DTD1: variants seen among roughly 807,000 people sequenced by gnomAD.
The protein encoded by DTD1 is D-aminoacyl-tRNA deacylase 1, also known as D-tyrosyl-tRNA deacylase 1 homolog.
DTD1 carries 13 observed loss-of-function variants against 25.6 expected under a neutral mutation model. The ratio of observed to expected loss-of-function variants is 0.51; its 90% CI spans 0.33 to 0.81. DTD1 has a LOEUF of 0.81. Ranked by LOEUF, DTD1 falls within the 30% of genes least tolerant of loss-of-function variation. The pLI, the probability that DTD1 is intolerant of heterozygous loss-of-function variation, is 0.02. For missense variants in DTD1, 193 were observed against 266.4 expected (o/e 0.72, Z 1.92); for synonymous variants, 110 against 103.6 (o/e 1.06, Z -0.37).
chr20:18,663,182 C>G lies in DTD1; in HGVS notation c.477+34949C>G, dbSNP rs144698420. 3.4e-3 allele frequency among the ~76,000 whole-genome samples: 513 copies of G among 152,212 alleles called. 3 individuals are homozygous for G. The highest frequency in any genetic ancestry group is 0.012 in the African/African-American group (497 of 41,504). On this transcript the variant is annotated intron_variant, in intron 4 of 5. Coordinates refer to ENST00000377452, the MANE Select transcript of DTD1 (RefSeq NM_080820.6). ...TCATGGGATGCCCTAATAGGGCTGG[C>G]AACCTTGTTTTCATGATCTAGTTTG...
chr20:18,640,948 T>G (rs1262881705), intron 4 of DTD1, among the ~76,000 whole-genome samples: 2 of 152,142 alleles, frequency 1.3e-5, no homozygotes, highest in Non-Finnish European at 2.9e-5. Context: ...AGAATTCTTT[T>G]TATCTTACAA....
chr20:18,589,091 C>G (rs765056610), intron 1 of DTD1, among the ~76,000 whole-genome samples: 26 of 152,192 alleles, frequency 1.7e-4, no homozygotes, highest in Admixed American at 6.5e-4. Flanking sequence ...TGGCTCACAC[C>G]TGTAATCCCA....
intron 5 of DTD1, among the ~76,000 whole-genome samples, chr20:18,746,213 C>A (rs988068116): frequency 3.9e-5 from 6 of 152,098 alleles, no homozygotes; most frequent in South Asian, 4.2e-4. Context: ...CTCGGACATA[C>A]AATTTGGAGC....
intron 1 of DTD1, among the ~76,000 whole-genome samples, chr20:18,590,135 A>G (rs1445973976): frequency 6.6e-6 from 1 of 152,196 alleles, no homozygotes; most frequent in Non-Finnish European, 1.5e-5. Context: ...ATTTTATTTT[A>G]AAATAGTTGG....
intron 4 of DTD1, among the ~76,000 whole-genome samples, chr20:18,741,486 T>C (rs1481339160): frequency 6.6e-6 from 1 of 152,210 alleles, no homozygotes; most frequent in African/African-American, 2.4e-5. Context: ...ATAAAGTTGA[T>C]GGTTACAGTT....
chr20:18,730,826 A>T (rs1303284343), intron 4 of DTD1, among the ~76,000 whole-genome samples: 2 of 152,062 alleles, frequency 1.3e-5, no homozygotes, highest in Non-Finnish European at 2.9e-5. Flanking sequence ...ATGATGTTAT[A>T]TTTTCTGAAT....
At chr20:18,654,863 G>A (rs1387590546) in intron 4 of DTD1, among the ~76,000 whole-genome samples, 2 of 151,870 alleles carry the variant, frequency 1.3e-5, no homozygotes, top group Admixed American at 1.3e-4. Context: ...TTATACATAC[G>A]GGAATAAAAG....
intron 4 of DTD1, among the ~76,000 whole-genome samples, chr20:18,674,229 TTAAC>T (rs1199071606): frequency 2.0e-5 from 3 of 152,216 alleles, no homozygotes; most frequent in African/African-American, 7.2e-5. Flanking sequence ...CCTGCAGTGT[TTAAC>T]TGACAACCCT....
intron 3 of DTD1, among the ~76,000 whole-genome samples, chr20:18,627,424 A>G (rs1304657547): frequency 6.6e-6 from 1 of 152,222 alleles, no homozygotes; most frequent in African/African-American, 2.4e-5. Context: ...CAGTGCAAAC[A>G]TGGCCTTCCA....
chr20:18,704,298 C>T (rs1435849243), intron 4 of DTD1, among the ~76,000 whole-genome samples: 1 of 152,180 alleles, frequency 6.6e-6, no homozygotes, highest in African/African-American at 2.4e-5. Flanking sequence ...CCACGCCCAG[C>T]CAGTAGTTCG....
chr20:18,698,397 A>G (rs1305599940), intron 4 of DTD1: 1 of 152,156 alleles, frequency 6.6e-6, no homozygotes, highest in Non-Finnish European at 1.5e-5. Flanking sequence ...TCATCTATAC[A>G]TATTCAGTGA....
chr20:18,750,902 G>A (rs944283124), intron 5 of DTD1, among the ~76,000 whole-genome samples: 2 of 152,200 alleles, frequency 1.3e-5, no homozygotes, highest in African/African-American at 2.4e-5. Context: ...GTGTGCTCCT[G>A]ACTGGCACCC....
Position 18,749,341 on chromosome 20 carries a change from G to A in DTD1, c.*19+5070G>A, listed in dbSNP as rs951653593. Among the ~76,000 whole-genome samples, 1 of 152,188 alleles carries A rather than the reference G, an allele frequency of 6.6e-6. No homozygotes were observed. The highest frequency in any genetic ancestry group is 6.5e-5 in the Admixed American group (1 of 15,294). On this transcript the variant is annotated intron_variant, in intron 5 of 5. Transcript: ENST00000377452. The surrounding 1 kb of genome is among the most constrained non-coding windows in gnomAD (Gnocchi z 4.2). ...TGCTGCTCAGCATCGCCGTGGGGTG[G>A]GGAAGGCTCCAGAGGGTGTTCTCTG...
rs2061376243 is a variant in DTD1, at chr20:18,765,418, C to T, written c.*2078C>T. The T allele has an allele frequency of 6.6e-6, 1 of 152,330 alleles. No homozygotes were observed. Among genetic ancestry groups the T allele is most frequent in the East Asian group, 1.9e-4 (1 of 5,188 alleles). 9.4% of individuals were successfully genotyped at this position (152,330 alleles called of 1,614,324 possible). A position where few individuals can be genotyped will look rare whatever the true frequency, so the allele number is the denominator to read the frequency against. ...GGGGATCTTTGATTAATTAAAACATCTTCCTCACAGTATGCAGGAACATGG... is the reference window on the plus strand; with the variant it reads ...GGGGATCTTTGATTAATTAAAACATTTTCCTCACAGTATGCAGGAACATGG... On this transcript the variant is annotated 3_prime_UTR_variant, in exon 6 of 6. Transcript: ENST00000377452.
In DTD1 at chr20:18,705,524, G is replaced by T. The variant is rs149191954; in HGVS notation, c.478-38576G>T. ...AAGGTCCCCAGGAAGCTACCGCCAG[G>T]TTCAGGTACCATGGTAGCTGGTAGT... On this transcript the variant is annotated intron_variant, in intron 4 of 5. Coordinates refer to ENST00000377452, the MANE Select transcript of DTD1 (RefSeq NM_080820.6). 2.0e-5 allele frequency among the ~76,000 whole-genome samples: 3 copies of T among 152,302 alleles called. No homozygotes were observed. The East Asian group carries it at 5.8e-4, about 29-fold the overall frequency.
intron 3 of DTD1, among the ~76,000 whole-genome samples, chr20:18,598,056 G>A (rs1239146851): frequency 1.3e-5 from 2 of 152,066 alleles, no homozygotes; most frequent in Admixed American, 6.6e-5. Flanking sequence ...GTGCAGTTTT[G>A]TTACATAGGT....
At chr20:18,613,885 C>G (rs1335967658) in intron 3 of DTD1, among the ~76,000 whole-genome samples, 1 of 152,176 alleles carries the variant, frequency 6.6e-6, no homozygotes, top group Non-Finnish European at 1.5e-5. Context: ...TGGGTATGTA[C>G]TGTTGCCCCT....
chr20:18,664,879 C>A (rs985840203), intron 4 of DTD1, among the ~76,000 whole-genome samples: 2 of 151,832 alleles, frequency 1.3e-5, no homozygotes, highest in African/African-American at 4.8e-5. Context: ...CACTAGTTGC[C>A]TCAAATCCCA....
chr20:18,631,016 C>T, intron 4 of DTD1: 1 of 976,284 alleles, frequency 1.0e-6, no homozygotes, highest in Non-Finnish European at 1.2e-6. Context: ...GTGAAGTCTA[C>T]CAGATACCTC....
Sources: gnomAD v4.1 joint callset for allele counts (sites outside exome capture counted in the v4.1 genomes callset) on GRCh38, gnomAD v4.1.1 for gene constraint, Gnocchi (gnomAD v3.1) non-coding constraint, MANE v1.5 for transcripts, NCBI Gene and HGNC (gene_info 2026-07-23, HGNC 2026-07-21) for gene names.